Variants in ANKRD30A observed in about 807,000 individuals in gnomAD.
The protein encoded by ANKRD30A is ankyrin repeat domain 30A, also known as ankyrin repeat domain-containing protein 30A.
Under a neutral mutation model 166.3 loss-of-function variants are expected in ANKRD30A, and 170 were observed. The ratio of observed to expected loss-of-function variants is 1.02; its 90% confidence interval spans 0.90 to 1.16. The LOEUF (loss-of-function observed/expected upper bound fraction) is 1.16, where lower values mean the gene tolerates loss of function less well. Ranked by LOEUF, ANKRD30A falls within the 50% of genes most tolerant of loss-of-function variation. ANKRD30A has a pLI of 0.00. For missense variants in ANKRD30A, 1,630 were observed against 1,518.0 expected (o/e 1.07, Z -1.23); for synonymous variants, 564 against 508.9 (o/e 1.11, Z -1.46).
chr10:37,141,751 C>A lies in ANKRD30A; in HGVS notation c.854C>A (p.Ala285Glu), dbSNP rs757036698. 1 of 1,611,838 alleles carries A rather than the reference C, an allele frequency of 6.2e-7. No individual in the cohort carries two copies. The highest frequency in any genetic ancestry group is 8.5e-7 in the Non-Finnish European group (1 of 1,179,808). ...GTSAGTPDEA[A>E]PLAERTPDTA... ...TCTGCAGGAACACCTGATGAGGCTG[C>A]ACCCTTGGCGGAAAGAACACCTGAC... The change falls in exon 7 of 36, where the codon GCA becomes GAA. Residue 285 changes from alanine (A) to glutamate (E), a missense_variant. Ala to Glu is a moderately radical substitution (Grantham distance 107). Transcript: ENST00000361713.
chr10:37,215,954 T>TTTA (rs748185459), intron 31 of ANKRD30A, among the ~76,000 whole-genome samples: 2 of 151,414 alleles, frequency 1.3e-5, no homozygotes, highest in Non-Finnish European at 3.0e-5. Flanking sequence ...TCTATCTGAA[T>TTTA]TTATAATTGT....
At chr10:37,157,615 C>T (rs992830902) in intron 13 of ANKRD30A, among the ~76,000 whole-genome samples, 5 of 152,104 alleles carry the variant, frequency 3.3e-5, no homozygotes, top group East Asian at 3.9e-4. Context: ...TCCAGAGATC[C>T]GCCCTCCTCA....
At chr10:37,179,118 TG>T (rs1588871430) in intron 24 of ANKRD30A, among the ~76,000 whole-genome samples, 1 of 150,042 alleles carries the variant, frequency 6.7e-6, no homozygotes, top group East Asian at 2.0e-4. Context: ...AAGATATACT[TG>T]AATGTAAGAA....
rs896020952 is a variant in ANKRD30A at position 37,224,476 on chromosome 10, G to T, written c.4185+4579G>T. On this transcript the variant is annotated intron_variant, in intron 34 of 35. Transcript: ENST00000361713. ...GTTTTTGATACACACACACACACGTGTATATATACACATATATTATATGTA... is the reference window on the plus strand; with the variant it reads ...GTTTTTGATACACACACACACACGTTTATATATACACATATATTATATGTA... 2.7e-5 allele frequency among the ~76,000 whole-genome samples: 4 copies of T among 147,238 alleles called. No homozygotes were observed. In the South Asian group the frequency reaches 6.4e-4, roughly 24 times the overall value.
chr10:37,248,409 G>T, the ANKRD30A span, among the ~76,000 whole-genome samples: 1 of 152,194 alleles, frequency 6.6e-6, no homozygotes, highest in Admixed American at 6.5e-5. Context: ...AGGTTACAGA[G>T]ATTTCTTCTT....
At chr10:37,196,719 A>T (rs1841155686) in intron 27 of ANKRD30A, among the ~76,000 whole-genome samples, 1 of 152,162 alleles carries the variant, frequency 6.6e-6, no homozygotes. Flanking sequence ...AAGCATTCAG[A>T]TGAATAAAGC....
At chr10:37,196,728 G>A (rs1244875839) in intron 27 of ANKRD30A, among the ~76,000 whole-genome samples, 1 of 152,072 alleles carries the variant, frequency 6.6e-6, no homozygotes, top group East Asian at 1.9e-4. Flanking sequence ...GATGAATAAA[G>A]CAGAGGATAC....
At chr10:37,143,748 A>C (rs892301048) in intron 7 of ANKRD30A, among the ~76,000 whole-genome samples, 7 of 149,896 alleles carry the variant, frequency 4.7e-5, no homozygotes, top group Non-Finnish European at 1.0e-4. Context: ...ATGTGTGAGC[A>C]AACAGGCAAG....
Position 37,154,919 on chromosome 10 carries a change from A to T in ANKRD30A, c.1798+1257A>T, listed in dbSNP as rs117661354. 5.7e-3 allele frequency among the ~76,000 whole-genome samples: 871 copies of T among 152,330 alleles called. 21 individuals are homozygous for T. The East Asian group carries it at 0.063, about 11-fold the overall frequency. ...TTACTATGAGGCATCAAATATATTTATGTATATATGTATGTATGTATGTTG... is the reference window on the plus strand; with the variant it reads ...TTACTATGAGGCATCAAATATATTTTTGTATATATGTATGTATGTATGTTG... On this transcript the variant is annotated intron_variant, in intron 13 of 35. Transcript: ENST00000361713.
At chr10:37,200,387 A>G (rs1169548451) in intron 30 of ANKRD30A, among the ~76,000 whole-genome samples, 1 of 151,956 alleles carries the variant, frequency 6.6e-6, no homozygotes, top group Non-Finnish European at 1.5e-5. Context: ...CACAAATGGA[A>G]CTCCTTGAGT....
chr10:37,130,060 G>A lies in ANKRD30A; in HGVS notation c.336+53G>A. On this transcript the variant is annotated intron_variant, in intron 2 of 35. Coordinates refer to ENST00000361713, the MANE Select transcript of ANKRD30A (RefSeq NM_052997.3). ...GAGATGGATTTGGTTTAAATACATA[G>A]AATAAAAATGAATTTATCTCATTGA... 6 of 1,274,502 alleles carry A rather than the reference G, an allele frequency of 4.7e-6. No individual in the cohort carries two copies. In the South Asian group the frequency reaches 1.4e-4, roughly 29 times the overall value. The allele number at this position is 1,274,502 out of a possible 1,614,324, so 78.9% of individuals were successfully genotyped here.
intron 25 of ANKRD30A, among the ~76,000 whole-genome samples, chr10:37,190,707 G>T (rs1840485022): frequency 2.0e-5 from 3 of 151,812 alleles, no homozygotes; most frequent in Non-Finnish European, 2.9e-5. Context: ...TTTTACTGCA[G>T]AGTGCTAGAG....
intron 35 of ANKRD30A, among the ~76,000 whole-genome samples, chr10:37,232,218 T>A (rs958975993): frequency 1.3e-5 from 2 of 152,020 alleles, no homozygotes; most frequent in Admixed American, 6.6e-5. Context: ...TTTTGTTTTG[T>A]TTTAAAGCTA....
rs542284241 is a variant in ANKRD30A at position 37,148,461 on chromosome 10, T to A, written c.1543+1004T>A. Among the ~76,000 whole-genome samples, 3 of 151,904 alleles carry A rather than the reference T, an allele frequency of 2.0e-5. No individual in the cohort carries two copies. In the South Asian group the frequency reaches 6.2e-4, roughly 32 times the overall value. On this transcript the variant is annotated intron_variant, in intron 9 of 35. Coordinates refer to ENST00000361713, the MANE Select transcript of ANKRD30A (RefSeq NM_052997.3). ...AAAAATCAGTTCTAGGAAGTTAGAG[T>A]TTTTTTAAATTTTTTTAAAAATTTT...
chr10:37,166,888 A>T (rs559126571), intron 19 of ANKRD30A, among the ~76,000 whole-genome samples, 193 bp downstream of exon 19: 1 of 152,140 alleles, frequency 6.6e-6, no homozygotes, highest in African/African-American at 2.4e-5. Flanking sequence ...GCTGAAGCGG[A>T]GCTGAATTAC....
chr10:37,244,077 G>A, the ANKRD30A span, among the ~76,000 whole-genome samples: 2 of 152,060 alleles, frequency 1.3e-5, no homozygotes, highest in African/African-American at 2.4e-5. Flanking sequence ...CTTTCCATTC[G>A]TTCACTTGAT....
chr10:37,147,503 T>C, intron 9 of ANKRD30A, 46 bp downstream of exon 9: 1 of 1,310,862 alleles, frequency 7.6e-7, no homozygotes, highest in Non-Finnish European at 1.1e-6. Flanking sequence ...CATATGTTTG[T>C]CTAAATGCAT....
At chr10:37,197,370 C>G in intron 28 of ANKRD30A, 38 bp from the exon 29 acceptor site, 1 of 1,612,604 alleles carries the variant, frequency 6.2e-7, no homozygotes, top group Non-Finnish European at 8.5e-7. Flanking sequence ...GTGAAGTATA[C>G]ATTCTTTATT....
rs902284621 is a variant in ANKRD30A, at chr10:37,231,647, A to G, written c.*178A>G. On this transcript the variant is annotated 3_prime_UTR_variant, in exon 35 of 36. Coordinates refer to ENST00000361713, the MANE Select transcript of ANKRD30A (RefSeq NM_052997.3). Reference sequence around the variant, plus strand: ...TGATTTCTTCCTGAAGCCTACAGACATAAAATAACAGTGTGAAGAATTACT... The same window carrying G: ...TGATTTCTTCCTGAAGCCTACAGACGTAAAATAACAGTGTGAAGAATTACT... 2.5e-6 allele frequency: 1 copy of G among 407,018 alleles called. No individual in the cohort carries two copies. Among genetic ancestry groups the G allele is most frequent in the Non-Finnish European group, 4.5e-6 (1 of 223,626 alleles). 25.2% of individuals were successfully genotyped at this position (407,018 alleles called of 1,614,324 possible). A position where few individuals can be genotyped will look rare whatever the true frequency, so the allele number is the denominator to read the frequency against.
Sources: allele counts gnomAD v4.1 joint callset (sites outside exome capture counted in the v4.1 genomes callset), GRCh38; gene constraint gnomAD v4.1.1; transcripts MANE v1.5; gene names NCBI Gene and HGNC (gene_info 2026-07-23, HGNC 2026-07-21).